The following GALK1 variants were observed in gnomAD, a reference collection of about 807,000 sequenced individuals.
GALK1 encodes galactokinase 1, also known as galactokinase.
In GALK1, 30 loss-of-function variants were observed where a neutral mutation model predicts 38.6. That is an observed-to-expected ratio of 0.78 (90% CI 0.58 to 1.05). The LOEUF (loss-of-function observed/expected upper bound fraction) is 1.05, where lower values mean the gene tolerates loss of function less well. Among genes scored for constraint, GALK1 ranks in the 50% least tolerant of loss-of-function variants. GALK1 has a pLI of 0.00. For synonymous variants in GALK1, 240 were observed against 233.6 expected, an observed-to-expected ratio of 1.03 and a Z score of -0.25; for missense variants, 512 against 540.5, an observed-to-expected ratio of 0.95 and a Z score of 0.52.
At chr17:75,757,599 C>T (rs1428807218), downstream of GALK1, 1 of 1,612,078 alleles carries the variant, frequency 6.2e-7, no homozygotes, top group African/African-American at 1.3e-5. Context: ...AGGCGTCCTC[C>T]CGACTCCTCT....
downstream of GALK1, chr17:75,755,796 C>T (rs141346422): frequency 2.5e-5 from 40 of 1,610,882 alleles, no homozygotes; most frequent in Non-Finnish European, 3.1e-5. Flanking sequence ...GCAGGAGCCG[C>T]GGTGCGAGCG....
chr17:75,752,535 T>C (rs1257849183), intron 8 of GALK1: 8 of 1,613,544 alleles, frequency 5.0e-6, no homozygotes, highest in Non-Finnish European at 6.8e-6. Flanking sequence ...CGTTCTACGC[T>C]CTCCATCGGG....
At chr17:75,759,671 C>T (rs2061579120) in intron 5 of GALK1, among the ~76,000 whole-genome samples, 3 of 152,042 alleles carry the variant, frequency 2.0e-5, no homozygotes, top group South Asian at 2.1e-4. Context: ...GAGGAGGGAC[C>T]AACTTGTTCC....
rs370412722 is a variant in GALK1, at chr17:75,758,262, G to A, written c.1055C>T (p.Thr352Met). Residue 352 changes from threonine (T) to methionine (M), a missense_variant, in exon 7 of 8, where the codon ACG becomes ATG. Transcript: ENST00000588479. ...AGCGGAGGCCTCCAGCAGTGTCACC[G>A]TGCAGCCACCGAAGCCACCGCCCGT... ...RMTGGGFGGC[T>M]VTLLEASAAP... 25 of 1,597,394 alleles carry A rather than the reference G, an allele frequency of 1.6e-5. No homozygotes were observed. The highest frequency in any genetic ancestry group is 4.5e-5 in the East Asian group (2 of 44,156).
At position 75,761,237 on chromosome 17, in the gene GALK1, T is replaced by TA. The variant is rs574483485; in HGVS notation, c.793+1466dup. ...ATAAATAAATAATAAAAAAGATAAA[T>TA]AAAAAAAGTTAATCACAGTGTGAGG... On this transcript the variant is annotated intron_variant, in intron 5 of 7. Transcript: ENST00000588479. Among the ~76,000 whole-genome samples the TA allele has an allele frequency of 3.9e-3, 584 of 151,534 alleles. 2 individuals are homozygous for TA. Among genetic ancestry groups the TA allele is most frequent in the African/African-American group, 0.013 (552 of 41,284 alleles).
intron 5 of GALK1, among the ~76,000 whole-genome samples, chr17:75,759,115 G>A (rs1248018299): frequency 6.6e-6 from 1 of 152,140 alleles, no homozygotes; most frequent in Non-Finnish European, 1.5e-5. Flanking sequence ...GGATGGAGGG[G>A]CAAGTAGATT....
chr17:75,754,642 C>T, downstream of GALK1: 1 of 1,614,042 alleles, frequency 6.2e-7, no homozygotes, highest in Non-Finnish European at 8.5e-7. Context: ...CACAGGATGA[C>T]CACGACCAGT....
At chr17:75,752,138 C>T (rs757795303) in intron 8 of GALK1, 2 of 1,609,894 alleles carry the variant, frequency 1.2e-6, no homozygotes, top group South Asian at 1.1e-5. Flanking sequence ...CAGGCTGGGA[C>T]CTGGGTGACC....
At chr17:75,756,171 C>T (rs1008113554), downstream of GALK1, among the ~76,000 whole-genome samples, 5 of 152,190 alleles carry the variant, frequency 3.3e-5, no homozygotes, top group African/African-American at 1.2e-4. Context: ...GTGGCACTTC[C>T]CTGGGCAGGC....
intron 3 of GALK1, 63 bp downstream of exon 3, chr17:75,763,257 G>T: frequency 6.2e-7 from 1 of 1,613,150 alleles, no homozygotes; most frequent in Non-Finnish European, 8.5e-7. Flanking sequence ...CATAGTAGAA[G>T]CTGGGACCAC....
downstream of GALK1, chr17:75,756,777 G>A (rs1568387890): frequency 1.2e-6 from 2 of 1,612,746 alleles, no homozygotes; most frequent in East Asian, 4.5e-5. Flanking sequence ...CAGACTCGCT[G>A]CAGCTGAGCT....
downstream of GALK1, chr17:75,757,433 G>A (rs201253100): frequency 9.9e-6 from 16 of 1,613,188 alleles, no homozygotes; most frequent in South Asian, 5.5e-5. Flanking sequence ...GACCCTGGGG[G>A]CCCAGCACCT....
chr17:75,756,601 A>G (rs1179561153), downstream of GALK1: 1 of 1,612,820 alleles, frequency 6.2e-7, no homozygotes, highest in Non-Finnish European at 8.5e-7. Context: ...CGCAGAGCCC[A>G]CTGTGTCCCC....
At chr17:75,757,836 T>G (rs1282671366), downstream of GALK1, 2 of 667,082 alleles carry the variant, frequency 3.0e-6, no homozygotes, top group Non-Finnish European at 5.2e-6. Context: ...CCTTGCCCAT[T>G]CTTCTGGGGC....
downstream of GALK1, chr17:75,757,469 C>T (rs773509873): frequency 5.0e-6 from 8 of 1,612,854 alleles, no homozygotes; most frequent in South Asian, 8.8e-5. Flanking sequence ...CCTCACCCGG[C>T]ATGTGACCCA....
In GALK1 at chr17:75,758,533, C is replaced by A; in HGVS notation, c.860G>T (p.Arg287Leu). The change falls in exon 6 of 8, where the codon CGC becomes CTC. Residue 287 changes from arginine to leucine, a missense_variant. Arg to Leu is a moderately radical substitution (Grantham distance 102). Coordinates refer to ENST00000588479, the MANE Select transcript of GALK1 (RefSeq NM_000154.2). ...CAGGGCGGCCGCTGCCTGGGCCGTG[C>A]GCCGAATCTCCCCCACCACGTGCCG... ...RARHVVGEIR[R>L]TAQAAAALRR... The A allele has an allele frequency of 6.3e-7, 1 of 1,592,524 alleles. No individual in the cohort carries two copies. Among genetic ancestry groups the A allele is most frequent in the Non-Finnish European group, 8.5e-7 (1 of 1,174,216 alleles).
chr17:75,764,290 C>T (rs777596144), intron 1 of GALK1: 2 of 759,172 alleles, frequency 2.6e-6, no homozygotes, highest in African/African-American at 1.7e-5. Flanking sequence ...GGCGGGGCGG[C>T]TGCAGCTGGA....
chr17:75,756,849 C>T (rs1280669115), downstream of GALK1: 3 of 1,612,204 alleles, frequency 1.9e-6, no homozygotes, highest in Admixed American at 3.3e-5. Flanking sequence ...GTGAGATGGC[C>T]CAAGGAGGAG....
chr17:75,756,268 GAAC>G (rs1446525621), downstream of GALK1, among the ~76,000 whole-genome samples: 1 of 152,132 alleles, frequency 6.6e-6, no homozygotes, highest in Non-Finnish European at 1.5e-5. Context: ...TACACAATCT[GAAC>G]AACCAGCCAT....
Sources: gnomAD v4.1 joint callset for allele counts (sites outside exome capture counted in the v4.1 genomes callset) on GRCh38, gnomAD v4.1.1 for gene constraint, MANE v1.5 for transcripts, NCBI Gene and HGNC (gene_info 2026-07-23, HGNC 2026-07-21) for gene names.